Variants in MEIS1 observed in about 807,000 individuals in gnomAD.
MEIS1 encodes the protein homeobox protein Meis1.
In MEIS1, 5 loss-of-function variants were observed where a neutral mutation model predicts 50.8. That is an observed-to-expected ratio of 0.10 (90% CI 0.05 to 0.21). The LOEUF is 0.21. MEIS1 is among the 10% of genes least tolerant of loss of function. The pLI, the probability that MEIS1 is intolerant of heterozygous loss-of-function variation, is 1.00. For missense variants in MEIS1, 318 were observed against 517.3 expected (o/e 0.61, Z 3.74); for synonymous variants, 176 against 179.3 (o/e 0.98, Z 0.15).
chr2:66,453,649 ATGT>A (rs889597505), intron 6 of MEIS1, among the ~76,000 whole-genome samples: 1 of 151,978 alleles, frequency 6.6e-6, no homozygotes, highest in African/African-American at 2.4e-5. Context: ...AAAACACAAA[ATGT>A]TGTAAAAAAT....
intron 8 of MEIS1, among the ~76,000 whole-genome samples, chr2:66,521,154 T>A (rs376300988): frequency 1.4e-4 from 21 of 152,358 alleles, no homozygotes; most frequent in African/African-American, 5.0e-4. Context: ...TCTGTTGATA[T>A]TTTGTGACAA....
chr2:66,531,087 A>G (rs1674379748), intron 8 of MEIS1, among the ~76,000 whole-genome samples: 2 of 152,222 alleles, frequency 1.3e-5, no homozygotes, highest in African/African-American at 4.8e-5. Flanking sequence ...CAGGTGAACA[A>G]TCTCAGATAT....
chr2:66,440,641 C>T (rs759252810), intron 4 of MEIS1, 29 bp downstream of exon 4: 9 of 1,361,438 alleles, frequency 6.6e-6, no homozygotes, highest in Admixed American at 1.9e-5. Context: ...TTCCCTCCCC[C>T]GCCCCCGACC....
chr2:66,568,518 G>GTATCATC, intron 10 of MEIS1, 149 bp from the exon 11 acceptor site: 1 of 348,128 alleles, frequency 2.9e-6, no homozygotes, highest in South Asian at 8.2e-5. Flanking sequence ...TCTAGTCTGA[G>GTATCATC]AGAAATTTCA....
At position 66,571,286 on chromosome 2, in the gene MEIS1, T is replaced by G. The variant is rs778688041; in HGVS notation, c.*78T>G. ...CAGGGGAGTATGTAGCCCGGGGTGG[T>G]CCAATGGGTGTGAGTATGGGACAGC... On this transcript the variant is annotated 3_prime_UTR_variant, in exon 13 of 13. Transcript: ENST00000272369. 2.3e-5 allele frequency: 37 copies of G among 1,596,994 alleles called. No individual in the cohort carries two copies. The highest frequency in any genetic ancestry group is 3.5e-5 in the Admixed American group (2 of 57,112).
chr2:66,436,953 A>G (rs1317147473), intron 1 of MEIS1: 2 of 983,982 alleles, frequency 2.0e-6, no homozygotes, highest in Admixed American at 6.2e-5. Context: ...GGTGAGTAAC[A>G]TTTGCCTCCT....
chr2:66,519,598 AG>A (rs988026902), intron 8 of MEIS1, among the ~76,000 whole-genome samples: 3 of 152,306 alleles, frequency 2.0e-5, no homozygotes, highest in Non-Finnish European at 4.4e-5. Context: ...AACATTTTAA[AG>A]GCTTTTTAGT....
At chr2:66,515,451 T>G (rs1044387380) in intron 8 of MEIS1, among the ~76,000 whole-genome samples, 1 of 152,136 alleles carries the variant, frequency 6.6e-6, no homozygotes, top group Non-Finnish European at 1.5e-5. Context: ...CCCAGCTACA[T>G]GAGAAGAAAA....
intron 7 of MEIS1, among the ~76,000 whole-genome samples, chr2:66,465,304 G>C (rs1175404175): frequency 6.6e-6 from 1 of 152,218 alleles, no homozygotes; most frequent in Non-Finnish European, 1.5e-5. Flanking sequence ...ATTGTTCAAA[G>C]AAAAGTTGCT....
At chr2:66,511,996 C>T (rs563353466) in intron 7 of MEIS1, among the ~76,000 whole-genome samples, 153 bp from the exon 8 acceptor site, 49 of 152,246 alleles carry the variant, frequency 3.2e-4, no homozygotes, top group Admixed American at 5.2e-4. Flanking sequence ...CTTTCTCTGT[C>T]TTGGAAAACA....
intron 7 of MEIS1, among the ~76,000 whole-genome samples, chr2:66,476,725 T>TA (rs1485840308): frequency 1.3e-5 from 2 of 152,168 alleles, no homozygotes; most frequent in African/African-American, 2.4e-5. Context: ...TCACGGGGCC[T>TA]GAAAGGAGTG....
chr2:66,542,903 G>A (rs11678796), intron 8 of MEIS1, among the ~76,000 whole-genome samples: 35,695 of 152,134 alleles, frequency 0.23, 5,135 homozygotes, highest in Non-Finnish European at 0.33. Context: ...AGATATTAAG[G>A]TGTAAAGCTG....
At chr2:66,529,177 G>T (rs1341640568) in intron 8 of MEIS1, among the ~76,000 whole-genome samples, 1 of 152,166 alleles carries the variant, frequency 6.6e-6, no homozygotes, top group Non-Finnish European at 1.5e-5. Flanking sequence ...ATGAGACTCT[G>T]ATAGGGAGTG....
intron 9 of MEIS1, among the ~76,000 whole-genome samples, chr2:66,564,077 C>G (rs1299146296): frequency 6.6e-6 from 1 of 152,116 alleles, no homozygotes; most frequent in Non-Finnish European, 1.5e-5. Context: ...CCTATATGTA[C>G]TAATGATATT....
chr2:66,464,177 C>G lies in MEIS1; in HGVS notation c.699C>G (p.Ser233Arg). 1.2e-6 allele frequency: 2 copies of G among 1,605,134 alleles called. No individual in the cohort carries two copies. The highest frequency in any genetic ancestry group is 1.7e-6 in the Non-Finnish European group (2 of 1,176,014). Residue 233 changes from serine to arginine, a missense_variant, in exon 7 of 13, where the codon AGC becomes AGG. This residue lies in a region of MEIS1 where 48 missense variants were observed against 50.9 expected (regional missense o/e 0.94). Transcript: ENST00000272369. ...CAGGAGGAACCCCAGGCCCTTCCAG[C>G]GGTGGCCACACGTCACACAGTGGGG... Reference protein sequence around the residue: ...TRSGGTPGPSSGGHTSHSGDN... With the variant: ...TRSGGTPGPSRGGHTSHSGDN...
At chr2:66,464,326 A>C in intron 7 of MEIS1, 106 bp downstream of exon 7, 1 of 852,126 alleles carries the variant, frequency 1.2e-6, no homozygotes, top group Non-Finnish European at 1.9e-6. Context: ...TAGAAGATAA[A>C]CCCCCTTTAA....
chr2:66,554,378 G>A (rs562867124), intron 9 of MEIS1, among the ~76,000 whole-genome samples: 3 of 152,324 alleles, frequency 2.0e-5, no homozygotes, highest in South Asian at 4.1e-4. Context: ...CATGCAACCC[G>A]ATGGGGCAGG....
intron 10 of MEIS1, chr2:66,568,095 T>G: frequency 6.4e-6 from 1 of 155,324 alleles, no homozygotes; most frequent in Non-Finnish European, 1.4e-5. Context: ...ATCCATCTTC[T>G]GGTGTTCGAC....
At chr2:66,560,942 A>G (rs2103960765) in intron 9 of MEIS1, among the ~76,000 whole-genome samples, 1 of 152,300 alleles carries the variant, frequency 6.6e-6, no homozygotes, top group East Asian at 1.9e-4. Context: ...CAAAAACATG[A>G]TTTCATAAGG....
Sources: gnomAD v4.1 joint callset for allele counts (sites outside exome capture counted in the v4.1 genomes callset) on GRCh38, gnomAD v4.1.1 for gene constraint, gnomAD v4.1.1 regional missense constraint, MANE v1.5 for transcripts, NCBI Gene and HGNC (gene_info 2026-07-23, HGNC 2026-07-21) for gene names.